The following CD300E variants were observed in gnomAD, a reference collection of about 807,000 sequenced individuals.
The protein encoded by CD300E is CD300e molecule, also known as CMRF35-like molecule 2.
CD300E carries 14 observed loss-of-function variants against 20.9 expected under a neutral mutation model. The ratio of observed to expected loss-of-function variants is 0.67; its 90% CI spans 0.44 to 1.05. CD300E has a LOEUF of 1.05. CD300E is among the 50% of genes least tolerant of loss of function. The pLI, the probability that CD300E is intolerant of heterozygous loss-of-function variation, is 0.00. For synonymous variants in CD300E, 102 were observed against 103.7 expected (o/e 0.98, Z 0.10); for missense variants, 237 against 253.9 (o/e 0.93, Z 0.45).
intron 2 of CD300E, 74 bp from the exon 3 acceptor site, chr17:74,614,107 A>T (rs2030848534): frequency 8.8e-7 from 1 of 1,137,784 alleles, no homozygotes; most frequent in Non-Finnish European, 1.3e-6. Context: ...TATGGATGTC[A>T]TACAGAATCA....
At chr17:74,617,849 C>T (rs2030940067) in intron 1 of CD300E, among the ~76,000 whole-genome samples, 2 of 152,220 alleles carry the variant, frequency 1.3e-5, no homozygotes, top group Non-Finnish European at 2.9e-5. Context: ...GAATCTCAGG[C>T]TTATTCTTTA....
intron 2 of CD300E, among the ~76,000 whole-genome samples, 191 bp from the exon 3 acceptor site, chr17:74,614,224 G>C (rs1008953664): frequency 5.3e-5 from 8 of 152,132 alleles, no homozygotes; most frequent in African/African-American, 1.9e-4. Context: ...CCAGCCATGA[G>C]AGTCCCCTCC....
Position 74,612,779 on chromosome 17 carries a change from G to A in CD300E, c.498-6C>T. On this transcript the variant is annotated splice_region_variant and splice_polypyrimidine_tract_variant and intron_variant, in intron 3 of 3. Transcript: ENST00000392619. ...GAGGGCTGCTGAGCCGGAACCTGTGGTGGACACGGTGAAAATGAGTCACTT... is the reference window on the plus strand; with the variant it reads ...GAGGGCTGCTGAGCCGGAACCTGTGATGGACACGGTGAAAATGAGTCACTT... The A allele has an allele frequency of 2.5e-6, 4 of 1,613,614 alleles. No homozygotes were observed. The highest frequency in any genetic ancestry group is 3.4e-6 in the Non-Finnish European group (4 of 1,179,900).
intron 2 of CD300E, 99 bp downstream of exon 2, chr17:74,617,019 A>G (rs2030915049): frequency 9.7e-7 from 1 of 1,026,754 alleles, no homozygotes; most frequent in Admixed American, 1.9e-5. Flanking sequence ...GACTGAGGAC[A>G]AGACAAGACT....
At chr17:74,613,397 C>T (rs558337852) in intron 3 of CD300E, among the ~76,000 whole-genome samples, 8 of 152,356 alleles carry the variant, frequency 5.3e-5, no homozygotes, top group South Asian at 2.1e-4. Context: ...CCACCACACC[C>T]GGCCACCACT....
In CD300E at chr17:74,612,553, C is replaced by G. The variant is rs2030806835; in HGVS notation, c.*100G>C. Reference sequence around the variant, plus strand: ...TGAGGCACAGGAACAATAAATCCCTCCAGAGTCCACAGGTCTCTCGCATCC... The same window carrying G: ...TGAGGCACAGGAACAATAAATCCCTGCAGAGTCCACAGGTCTCTCGCATCC... On this transcript the variant is annotated 3_prime_UTR_variant, in exon 4 of 4. Coordinates refer to ENST00000392619, the MANE Select transcript of CD300E (RefSeq NM_181449.3). 6.7e-7 allele frequency: 1 copy of G among 1,489,390 alleles called. No individual in the cohort carries two copies. The highest frequency in any genetic ancestry group is 1.9e-5 in the Admixed American group (1 of 51,810). 92.3% of individuals were successfully genotyped at this position (1,489,390 alleles called of 1,614,324 possible).
chr17:74,623,502 G>T, intron 1 of CD300E, 80 bp downstream of exon 1: 1 of 1,409,800 alleles, frequency 7.1e-7, no homozygotes, highest in Non-Finnish European at 9.9e-7. Flanking sequence ...CTTCACCTCT[G>T]GTTTGAACCC....
At chr17:74,623,418 G>A (rs577140745) in intron 1 of CD300E, among the ~76,000 whole-genome samples, 164 bp downstream of exon 1, 14 of 152,332 alleles carry the variant, frequency 9.2e-5, no homozygotes, top group South Asian at 4.1e-4. Context: ...TGTAGGATCC[G>A]TGGATGAATG....
intron 2 of CD300E, 150 bp from the exon 3 acceptor site, chr17:74,614,183 C>T (rs1156372437): frequency 4.7e-6 from 3 of 638,472 alleles, no homozygotes; most frequent in Admixed American, 2.7e-5. Flanking sequence ...TGGGTGAAAC[C>T]CCTCAGGGAC....
At position 74,623,586 on chromosome 17, in the gene CD300E, G is replaced by A. The variant is rs2031067693; in HGVS notation, c.36C>T (p.Leu12=). ...WLLPALLLLC[L]SGCLSLKGPG... is the part of the protein sequence containing the mutation. ...CAAAGCCACAGCCCCACTCACCTGAGAGGCAGAGAAGGAGTAGAGCTGGGA... is the reference window on the plus strand; with the variant it reads ...CAAAGCCACAGCCCCACTCACCTGAAAGGCAGAGAAGGAGTAGAGCTGGGA... Residue 12 remains leucine (L), a synonymous_variant, in exon 1 of 4, where the codon CTC becomes CTT. Transcript: ENST00000392619. 1 of 1,614,132 alleles carries A rather than the reference G, an allele frequency of 6.2e-7. No individual in the cohort carries two copies. Among genetic ancestry groups the A allele is most frequent in the Middle Eastern group, 1.7e-4 (1 of 6,048 alleles).
chr17:74,613,872 A>G, intron 3 of CD300E, 53 bp downstream of exon 3: 1 of 1,247,656 alleles, frequency 8.0e-7, no homozygotes, highest in Non-Finnish European at 1.2e-6. Flanking sequence ...CCCACCCCCC[A>G]GCTTCCACCC....
chr17:74,623,492 C>T lies in CD300E; in HGVS notation c.40+90G>A, dbSNP rs2031065039. On this transcript the variant is annotated intron_variant, in intron 1 of 3. Coordinates refer to ENST00000392619, the MANE Select transcript of CD300E (RefSeq NM_181449.3). ...TGTATCTTTCCCTTTTCTGTGGACACTTCACCTCTGGTTTGAACCCAGGAC... is the reference window on the plus strand; with the variant it reads ...TGTATCTTTCCCTTTTCTGTGGACATTTCACCTCTGGTTTGAACCCAGGAC... 5.5e-6 allele frequency: 7 copies of T among 1,280,258 alleles called. No individual in the cohort carries two copies. In the Middle Eastern group the frequency reaches 7.7e-4, roughly 140 times the overall value. 79.3% of individuals were successfully genotyped at this position (1,280,258 alleles called of 1,614,324 possible).
chr17:74,614,532 GA>G (rs2030858242), intron 2 of CD300E, among the ~76,000 whole-genome samples: 1 of 149,906 alleles, frequency 6.7e-6, no homozygotes, highest in African/African-American at 2.5e-5. Flanking sequence ...AGGTTGGTTG[GA>G]GTGCAATGGC....
intron 1 of CD300E, among the ~76,000 whole-genome samples, chr17:74,618,343 G>A (rs931707331): frequency 4.6e-5 from 7 of 152,130 alleles, no homozygotes; most frequent in Admixed American, 6.5e-5. Context: ...GCATGTGCAC[G>A]TGTGTGTGGG....
At chr17:74,619,729 C>A (rs150599041) in intron 1 of CD300E, among the ~76,000 whole-genome samples, 142 of 152,308 alleles carry the variant, frequency 9.3e-4, no homozygotes, top group East Asian at 7.7e-4. Flanking sequence ...TCCCTCTGGA[C>A]TGAGCTGTTT....
intron 3 of CD300E, 84 bp from the exon 4 acceptor site, chr17:74,612,857 C>G (rs752829582): frequency 1.7e-5 from 26 of 1,547,636 alleles, no homozygotes; most frequent in Non-Finnish European, 2.2e-5. Flanking sequence ...CATGCTCTGA[C>G]TCTGGAGCCC....
chr17:74,614,538 A>G (rs1358251943), intron 2 of CD300E, among the ~76,000 whole-genome samples: 3 of 146,772 alleles, frequency 2.0e-5, no homozygotes, highest in Non-Finnish European at 4.5e-5. Flanking sequence ...GTTGGAGTGC[A>G]ATGGCACAAT....
chr17:74,614,475 CTT>C (rs151029563), intron 2 of CD300E, among the ~76,000 whole-genome samples: 34,654 of 112,958 alleles, frequency 0.31, 4,926 homozygotes, highest in Non-Finnish European at 0.37. Flanking sequence ...TGTGGACACT[CTT>C]TTTTTTTTTT....
At chr17:74,614,153 G>T in intron 2 of CD300E, 120 bp from the exon 3 acceptor site, 1 of 809,964 alleles carries the variant, frequency 1.2e-6, no homozygotes, top group Non-Finnish European at 2.0e-6. Context: ...ATCTTCTGAA[G>T]CCAGATCCAG....
Sources: allele counts gnomAD v4.1 joint callset (sites outside exome capture counted in the v4.1 genomes callset), GRCh38; gene constraint gnomAD v4.1.1; transcripts MANE v1.5; gene names NCBI Gene and HGNC (gene_info 2026-07-23, HGNC 2026-07-21).